The following SORCS1 variants were observed in gnomAD, a reference collection of about 807,000 sequenced individuals.
SORCS1 encodes the protein VPS10 domain-containing receptor SorCS1.
Under a neutral mutation model 146.1 loss-of-function variants are expected in SORCS1, and 60 were observed. The observed-to-expected ratio is 0.41, with a 90% confidence interval of 0.33 to 0.51. The LOEUF (loss-of-function observed/expected upper bound fraction) is 0.51, where lower values mean the gene tolerates loss of function less well. Among genes scored for constraint, SORCS1 ranks in the 20% least tolerant of loss-of-function variants. The pLI, the probability that SORCS1 is intolerant of heterozygous loss-of-function variation, is 0.21. For missense variants in SORCS1, 1,352 were observed against 1,487.6 expected (o/e 0.91, Z 1.50); for synonymous variants, 637 against 584.0 (o/e 1.09, Z -1.31).
intron 1 of SORCS1, among the ~76,000 whole-genome samples, chr10:107,093,694 C>CT (rs1427188218): frequency 1.5e-5 from 2 of 134,032 alleles, no homozygotes; most frequent in African/African-American, 5.7e-5. Context: ...AAAAAAAAAA[C>CT]TGAGTCTTTC....
chr10:106,991,210 C>T (rs1309795951), intron 1 of SORCS1, among the ~76,000 whole-genome samples: 2 of 152,194 alleles, frequency 1.3e-5, no homozygotes, highest in Admixed American at 1.3e-4. Flanking sequence ...TTTCCATCCA[C>T]ACCAGTGCCT....
At chr10:106,799,420 A>C (rs1485020658) in intron 3 of SORCS1, among the ~76,000 whole-genome samples, 3 of 152,232 alleles carry the variant, frequency 2.0e-5, no homozygotes. Flanking sequence ...CAGCCAAAGA[A>C]ACTACCATCA....
intron 17 of SORCS1, among the ~76,000 whole-genome samples, chr10:106,662,727 C>A (rs958915288): frequency 6.6e-6 from 1 of 152,178 alleles, no homozygotes; most frequent in Non-Finnish European, 1.5e-5. Flanking sequence ...TCCCCAGGAT[C>A]ATTTCTTGTT....
intron 1 of SORCS1, among the ~76,000 whole-genome samples, chr10:107,063,369 A>G (rs183503141): frequency 1.7e-3 from 253 of 152,286 alleles, no homozygotes; most frequent in Non-Finnish European, 2.7e-3. Context: ...GTATGTTACT[A>G]TTTCTATGAG....
chr10:106,775,241 A>G (rs1283477316), intron 4 of SORCS1, among the ~76,000 whole-genome samples: 1 of 152,210 alleles, frequency 6.6e-6, no homozygotes, highest in Non-Finnish European at 1.5e-5. Flanking sequence ...TTAAATGACT[A>G]ATACTCTGTC....
At chr10:106,942,434 G>T (rs979903448) in intron 2 of SORCS1, among the ~76,000 whole-genome samples, 6 of 152,032 alleles carry the variant, frequency 3.9e-5, no homozygotes, top group Admixed American at 3.9e-4. Context: ...AGGCTCACTG[G>T]AACAAAAAAA....
rs149193345 is a variant in SORCS1 at position 106,730,090 on chromosome 10, T to C, written c.984A>G (p.Glu328=). 3,938 of 1,614,112 alleles carry C rather than the reference T, an allele frequency of 2.4e-3. 157 individuals are homozygous for C. The Admixed American group carries it at 0.062, about 25-fold the overall frequency. Residue 328 remains glutamate, a synonymous_variant, in exon 6 of 26, where the codon GAA becomes GAG. Transcript: ENST00000263054. ...FYWSVMGSNK[E]PDLVHLEART... ...TGGCCTCAAGATGCACAAGGTCTGGTTCTTTATTTGACCCCATCACAGACC... is the reference window on the plus strand; with the variant it reads ...TGGCCTCAAGATGCACAAGGTCTGGCTCTTTATTTGACCCCATCACAGACC...
intron 2 of SORCS1, among the ~76,000 whole-genome samples, chr10:106,923,681 A>G (rs977597528): frequency 6.6e-6 from 1 of 152,044 alleles, no homozygotes. Flanking sequence ...AGTGGCTATC[A>G]TTGTTTTCAT....
chr10:106,628,111 A>C (rs1466310973), intron 19 of SORCS1, among the ~76,000 whole-genome samples: 1 of 152,230 alleles, frequency 6.6e-6, no homozygotes, highest in Admixed American at 6.5e-5. Flanking sequence ...ATCATGTGTA[A>C]CTTTGTCAGA....
Position 106,708,988 on chromosome 10 carries a change from G to C in SORCS1, c.1143+235C>G, listed in dbSNP as rs554950565. Among the ~76,000 whole-genome samples the C allele has an allele frequency of 2.0e-5, 3 of 152,216 alleles. No homozygotes were observed. The East Asian group carries it at 5.8e-4, about 29-fold the overall frequency. On this transcript the variant is annotated intron_variant, in intron 7 of 25. Coordinates refer to ENST00000263054, the MANE Select transcript of SORCS1 (RefSeq NM_052918.5). ...TGCCTTCATGACCCCATGTTGATAA[G>C]ATCCTCTGGACACAGCCCAAAGAAA...
intron 1 of SORCS1, among the ~76,000 whole-genome samples, chr10:107,138,938 T>C (rs1967566489): frequency 6.6e-6 from 1 of 152,328 alleles, no homozygotes; most frequent in South Asian, 2.1e-4. Context: ...CCTAGACTTT[T>C]CACTCTTTTC....
chr10:107,105,498 G>C (rs2134413071), intron 1 of SORCS1, among the ~76,000 whole-genome samples: 1 of 152,350 alleles, frequency 6.6e-6, no homozygotes, highest in African/African-American at 2.4e-5. Context: ...GAAGCCGACA[G>C]TGCAGCCTTC....
chr10:106,958,240 C>T (rs1466931970), intron 1 of SORCS1, among the ~76,000 whole-genome samples: 2 of 152,188 alleles, frequency 1.3e-5, no homozygotes, highest in African/African-American at 2.4e-5. Flanking sequence ...TGTCGAAGTT[C>T]GTATTTTCCT....
At chr10:106,929,738 C>T (rs1211200398) in intron 2 of SORCS1, among the ~76,000 whole-genome samples, 1 of 151,226 alleles carries the variant, frequency 6.6e-6, no homozygotes, top group African/African-American at 2.4e-5. Context: ...AACAAATGAC[C>T]ACACACAATT....
intron 2 of SORCS1, among the ~76,000 whole-genome samples, chr10:106,855,978 G>GTCAATAGA (rs1564740165): frequency 6.6e-6 from 1 of 151,992 alleles, no homozygotes; most frequent in Non-Finnish European, 1.5e-5. Flanking sequence ...TAGTCAATAG[G>GTCAATAGA]CCTTTAGTTG....
At chr10:106,594,250 G>A (rs1172862993) in intron 24 of SORCS1, among the ~76,000 whole-genome samples, 2 of 152,098 alleles carry the variant, frequency 1.3e-5, no homozygotes, top group Non-Finnish European at 2.9e-5. Flanking sequence ...TTTAAAATAA[G>A]GTTTCCTTTT....
rs144002420 is a variant in SORCS1, at chr10:106,690,165, A to C, written c.1414-1827T>G. Among the ~76,000 whole-genome samples, 1,403 of 152,354 alleles carry C rather than the reference A, an allele frequency of 9.2e-3. 9 individuals are homozygous for C. Among genetic ancestry groups the C allele is most frequent in the Non-Finnish European group, 0.014 (970 of 68,036 alleles). ...ATAATATTTAGTAATTTACTACACC[A>C]GCTCCGCAAGGGCTTCCCACCAGGG... On this transcript the variant is annotated intron_variant, in intron 9 of 25. Transcript: ENST00000263054.
the SORCS1 span, among the ~76,000 whole-genome samples, chr10:107,178,613 T>C: frequency 6.6e-6 from 1 of 151,946 alleles, no homozygotes; most frequent in African/African-American, 2.4e-5. Flanking sequence ...ATTCTCTTGC[T>C]GAGTAGCTGG....
intron 5 of SORCS1, among the ~76,000 whole-genome samples, chr10:106,758,756 C>T (rs547593922): frequency 2.7e-4 from 41 of 152,186 alleles, no homozygotes; most frequent in East Asian, 3.9e-4. Flanking sequence ...GAGAAAAAAA[C>T]GCTGACCAGA....
Sources: gnomAD v4.1 joint callset for allele counts (sites outside exome capture counted in the v4.1 genomes callset) on GRCh38, gnomAD v4.1.1 for gene constraint, MANE v1.5 for transcripts, NCBI Gene and HGNC (gene_info 2026-07-23, HGNC 2026-07-21) for gene names.